Variants in REPS2 observed in about 807,000 individuals in gnomAD.
REPS2 encodes the protein ralBP1-associated Eps domain-containing protein 2.
A neutral mutation model predicts 53.6 loss-of-function variants in REPS2; 23 were observed. The observed-to-expected ratio is 0.43, with a 90% CI of 0.31 to 0.61. The LOEUF (loss-of-function observed/expected upper bound fraction) is 0.61. Among genes scored for constraint, REPS2 ranks in the 20% least tolerant of loss-of-function variants. REPS2 has a pLI of 0.11. For missense variants in REPS2, 446 were observed against 534.9 expected (o/e 0.83, Z 1.64); for synonymous variants, 238 against 218.6 (o/e 1.09, Z -0.78).
chrX:17,103,426 T>C (rs2062833301), intron 13 of REPS2, among the ~76,000 whole-genome samples: 1 of 111,906 alleles, frequency 8.9e-6, no homozygotes, highest in Admixed American at 9.5e-5. Context: ...ATTAGAATAA[T>C]GAGGAATTGA....
intron 13 of REPS2, among the ~76,000 whole-genome samples, chrX:17,102,890 A>G (rs2062827562): frequency 8.9e-6 from 1 of 112,366 alleles, no homozygotes; most frequent in Non-Finnish European, 1.9e-5. Flanking sequence ...TTTTCTAAGG[A>G]GTTTTGTAAA....
chrX:16,956,197 C>CT lies in REPS2; in HGVS notation c.273+9078dup, dbSNP rs11339565. ...ATTTAGATGTGGAAAAGAACTACATCTTTTTTTTTTTTTTTACTAACTGCC... is the reference window on the plus strand; with the variant it reads ...ATTTAGATGTGGAAAAGAACTACATCTTTTTTTTTTTTTTTTACTAACTGCC... On this transcript the variant is annotated intron_variant, in intron 1 of 17. Coordinates refer to ENST00000357277, the MANE Select transcript of REPS2 (RefSeq NM_004726.3). Among the ~76,000 whole-genome samples, 864 of 86,974 alleles carry CT rather than the reference C, an allele frequency of 9.9e-3. 12 individuals are homozygous for CT. Among genetic ancestry groups the CT allele is most frequent in the African/African-American group, 0.033 (780 of 23,612 alleles). 75.5% of individuals were successfully genotyped at this position (86,974 alleles called of 115,157 possible).
At chrX:17,029,715 C>T in intron 5 of REPS2, 92 bp downstream of exon 5, 1 of 550,804 alleles carries the variant, frequency 1.8e-6, no homozygotes, top group South Asian at 3.0e-5. Flanking sequence ...TTTTTCATTG[C>T]AAGGAAGATA....
the REPS2 span, among the ~76,000 whole-genome samples, chrX:17,168,481 C>G: frequency 2.7e-5 from 3 of 111,380 alleles, no homozygotes. Flanking sequence ...CCACTGAACT[C>G]CAGCCTCAGC....
At chrX:17,056,023 A>AAAC (rs1188475282) in intron 8 of REPS2, among the ~76,000 whole-genome samples, 76 of 109,700 alleles carry the variant, frequency 6.9e-4, no homozygotes, top group Non-Finnish European at 1.4e-3. Flanking sequence ...AACAAACAAA[A>AAAC]AAAAAAAACA....
intron 1 of REPS2, among the ~76,000 whole-genome samples, chrX:16,979,075 A>G (rs888457019): frequency 3.6e-5 from 4 of 112,169 alleles, no homozygotes; most frequent in African/African-American, 1.3e-4. Context: ...TGCTGTTTAT[A>G]TTACAGACAA....
chrX:17,028,984 A>G (rs1268637002), intron 4 of REPS2, among the ~76,000 whole-genome samples: 2 of 112,013 alleles, frequency 1.8e-5, no homozygotes, highest in Non-Finnish European at 3.8e-5. Flanking sequence ...TTGTTTTTTA[A>G]AAGTTTGGTT....
At chrX:17,031,109 T>C (rs1260742215) in intron 5 of REPS2, among the ~76,000 whole-genome samples, 1 of 112,337 alleles carries the variant, frequency 8.9e-6, no homozygotes, top group Non-Finnish European at 1.9e-5. Context: ...TACAAAAATA[T>C]GTGCCTTTAA....
intron 14 of REPS2, among the ~76,000 whole-genome samples, chrX:17,112,287 G>C (rs2062982051): frequency 9.0e-6 from 1 of 111,571 alleles, no homozygotes; most frequent in African/African-American, 3.3e-5. Context: ...GTTTAAAGAG[G>C]AAAGAGGACT....
In REPS2 at chrX:17,077,371, T is replaced by C; in HGVS notation, c.1480T>C (p.Leu494=). ...GAAAACCCATTCCAGAGCCTCCTCC[T>C]TGGATCTGAATAAAGTCTTCCAGCC... ...PQKTHSRASS[L]DLNKVFQPSV... The change falls in exon 13 of 18, where the codon TTG becomes CTG. Residue 494 remains leucine, a synonymous_variant. Transcript: ENST00000357277. 1.7e-6 allele frequency: 2 copies of C among 1,209,915 alleles called. No homozygotes were observed. The highest frequency in any genetic ancestry group is 2.2e-6 in the Non-Finnish European group (2 of 894,649).
At chrX:17,065,884 C>T (rs73454457) in intron 9 of REPS2, among the ~76,000 whole-genome samples, 48,301 of 110,771 alleles carry the variant, frequency 0.44, 7,777 homozygotes, top group Middle Eastern at 0.57. Context: ...TGAGCCTGGC[C>T]TCTTCTGAGA....
At chrX:17,066,187 G>GT (rs2062223123) in intron 9 of REPS2, among the ~76,000 whole-genome samples, 1 of 111,859 alleles carries the variant, frequency 8.9e-6, no homozygotes, top group Non-Finnish European at 1.9e-5. Flanking sequence ...TTTGTAGTAA[G>GT]TTTTGAAATC....
At chrX:16,986,360 G>T (rs181342600) in intron 1 of REPS2, among the ~76,000 whole-genome samples, 48 of 112,102 alleles carry the variant, frequency 4.3e-4, no homozygotes, top group East Asian at 1.4e-3. Flanking sequence ...TTTCAGGTCA[G>T]TGCTCTTTGG....
chrX:16,988,926 TAGTA>T (rs1237595969), intron 1 of REPS2, among the ~76,000 whole-genome samples: 2 of 111,800 alleles, frequency 1.8e-5, no homozygotes, highest in Non-Finnish European at 3.8e-5. Flanking sequence ...GTCAAAATCT[TAGTA>T]AGATTTTTTT....
chrX:17,043,276 C>A (rs752255060), intron 5 of REPS2, among the ~76,000 whole-genome samples: 4 of 111,355 alleles, frequency 3.6e-5, no homozygotes, highest in African/African-American at 1.3e-4. Flanking sequence ...GTCCTAAGGC[C>A]TTTCTAGGTT....
At chrX:16,965,133 G>T (rs1443547879) in intron 1 of REPS2, among the ~76,000 whole-genome samples, 2 of 90,104 alleles carry the variant, frequency 2.2e-5, no homozygotes, top group Admixed American at 1.1e-4. Flanking sequence ...CTGGCCGGGT[G>T]GGGGGCTGAC....
Position 17,150,904 on chromosome X carries a change from T to C in REPS2, c.*3423T>C, listed in dbSNP as rs1013935092. Reference sequence around the variant, plus strand: ...TTCTGTTTATCATGTTGAATTTCATTGACTTAATTAGTCTTTAAATTTGAA... The same window carrying C: ...TTCTGTTTATCATGTTGAATTTCATCGACTTAATTAGTCTTTAAATTTGAA... On this transcript the variant is annotated 3_prime_UTR_variant, in exon 18 of 18. Transcript: ENST00000357277. The C allele has an allele frequency of 4.4e-5, 5 of 112,766 alleles. No homozygotes were observed. The highest frequency in any genetic ancestry group is 1.6e-4 in the African/African-American group (5 of 30,941). 9.3% of individuals were successfully genotyped at this position (112,766 alleles called of 1,213,427 possible).
At chrX:17,158,335 A>T in the REPS2 span, among the ~76,000 whole-genome samples, 39 of 111,716 alleles carry the variant, frequency 3.5e-4, no homozygotes, top group Non-Finnish European at 5.5e-4. Context: ...TATATTTTTT[A>T]AAAAAAGCCA....
chrX:16,957,416 A>AC (rs1320117465), intron 1 of REPS2, among the ~76,000 whole-genome samples: 1 of 110,514 alleles, frequency 9.0e-6, no homozygotes, highest in Non-Finnish European at 1.9e-5. Flanking sequence ...GTCTCAAAAA[A>AC]AAAAAAAAGT....
Sources: allele counts gnomAD v4.1 joint callset (sites outside exome capture counted in the v4.1 genomes callset), GRCh38; gene constraint gnomAD v4.1.1; transcripts MANE v1.5; gene names NCBI Gene and HGNC (gene_info 2026-07-23, HGNC 2026-07-21).